Variants in ERC2 observed in about 807,000 individuals in gnomAD.
The protein encoded by ERC2 is ERC protein 2.
ERC2 carries 42 observed loss-of-function variants against 114.8 expected under a neutral mutation model. The ratio of observed to expected loss-of-function variants is 0.37; its 90% CI spans 0.29 to 0.47. ERC2 has a LOEUF of 0.47. Ranked by LOEUF, ERC2 falls within the 20% of genes least tolerant of loss-of-function variation. The pLI, the probability that ERC2 is intolerant of heterozygous loss-of-function variation, is 0.99. For missense variants in ERC2, 939 were observed against 1,150.7 expected (o/e 0.82, Z 2.66); for synonymous variants, 454 against 425.5 (o/e 1.07, Z -0.82).
At chr3:55,610,506 A>AACAC (rs1162337654) in intron 17 of ERC2, 35,921 of 137,016 alleles carry the variant, frequency 0.26, 5,100 homozygotes, top group East Asian at 0.43. Flanking sequence ...TCTACGGAAA[A>AACAC]ACACACACAC....
intron 2 of ERC2, among the ~76,000 whole-genome samples, chr3:56,363,493 G>A (rs1244275535): frequency 6.6e-6 from 1 of 152,114 alleles, no homozygotes; most frequent in Admixed American, 6.5e-5. Context: ...TTAGTGAAAA[G>A]GAGAATTTAT....
At chr3:56,263,638 C>G (rs1415488572) in intron 3 of ERC2, among the ~76,000 whole-genome samples, 1 of 152,072 alleles carries the variant, frequency 6.6e-6, no homozygotes, top group Non-Finnish European at 1.5e-5. Context: ...CTGACCAAAC[C>G]AATAACAAAT....
intron 3 of ERC2, among the ~76,000 whole-genome samples, chr3:56,238,352 G>T (rs535650259): frequency 6.6e-6 from 1 of 152,340 alleles, no homozygotes; most frequent in African/African-American, 2.4e-5. Flanking sequence ...TTGTTCAGAG[G>T]ATGTAATCTG....
intron 13 of ERC2, among the ~76,000 whole-genome samples, chr3:55,932,074 C>T (rs770310132): frequency 2.6e-5 from 4 of 152,144 alleles, no homozygotes; most frequent in Admixed American, 6.5e-5. Context: ...GTTCTCATTG[C>T]TGCAATAAAT....
At chr3:56,285,177 T>C (rs1445549705) in intron 3 of ERC2, among the ~76,000 whole-genome samples, 1 of 150,034 alleles carries the variant, frequency 6.7e-6, no homozygotes, top group Non-Finnish European at 1.5e-5. Context: ...AGAAGTCTCC[T>C]GATCTGGGCT....
chr3:56,029,562 T>C (rs912247881), intron 7 of ERC2, among the ~76,000 whole-genome samples: 1 of 152,136 alleles, frequency 6.6e-6, no homozygotes, highest in Non-Finnish European at 1.5e-5. Context: ...GGATACTTTG[T>C]GGTTTTTTAG....
chr3:56,454,444 C>A (rs1037872567), intron 1 of ERC2, among the ~76,000 whole-genome samples: 4 of 151,992 alleles, frequency 2.6e-5, no homozygotes, highest in East Asian at 1.9e-4. Flanking sequence ...GTTAACCACC[C>A]TTAAAAAAAA....
At chr3:56,141,516 C>T (rs1433596782) in intron 5 of ERC2, among the ~76,000 whole-genome samples, 3 of 152,092 alleles carry the variant, frequency 2.0e-5, no homozygotes, top group Admixed American at 6.5e-5. Flanking sequence ...TCATGGTGGC[C>T]CCTTTGTCTT....
intron 2 of ERC2, among the ~76,000 whole-genome samples, chr3:56,389,885 C>T (rs1358209764): frequency 3.3e-5 from 5 of 152,184 alleles, no homozygotes; most frequent in African/African-American, 1.2e-4. Flanking sequence ...TAGATGGAGT[C>T]CAAGAACAGG....
At chr3:56,229,892 G>A (rs34951454) in intron 3 of ERC2, among the ~76,000 whole-genome samples, 1 of 62,936 alleles carries the variant, frequency 1.6e-5, no homozygotes, top group Non-Finnish European at 2.9e-5. Flanking sequence ...TTTTTTTTGA[G>A]ATGGAGTCTC....
At chr3:56,188,976 G>A (rs1007341794) in intron 3 of ERC2, among the ~76,000 whole-genome samples, 3 of 152,076 alleles carry the variant, frequency 2.0e-5, no homozygotes, top group African/African-American at 4.8e-5. Flanking sequence ...CAAGCATTGC[G>A]CTAACAACTT....
rs2065704466 is a variant in ERC2, at chr3:55,925,670, A to G, written c.2403+24755T>C. Among the ~76,000 whole-genome samples the G allele has an allele frequency of 2.0e-5, 3 of 152,278 alleles. No homozygotes were observed. In the South Asian group the frequency reaches 6.2e-4, roughly 32 times the overall value. On this transcript the variant is annotated intron_variant, in intron 13 of 17. Transcript: ENST00000288221. ...GAACTACGCACCCAGCAAACAGGAA[A>G]TCTGGAAAAAGTTCCAAGAAGAAAA...
At chr3:55,600,466 A>G (rs2058348720) in intron 17 of ERC2, among the ~76,000 whole-genome samples, 1 of 152,224 alleles carries the variant, frequency 6.6e-6, no homozygotes, top group African/African-American at 2.4e-5. Flanking sequence ...CCTCTCTGTC[A>G]TCGTGCAGAA....
chr3:55,691,913 T>C (rs2062690989), intron 16 of ERC2, among the ~76,000 whole-genome samples: 1 of 152,176 alleles, frequency 6.6e-6, no homozygotes, highest in Non-Finnish European at 1.5e-5. Flanking sequence ...TGTGAAATTC[T>C]TCCATATGTG....
chr3:56,371,888 C>A (rs2059375502), intron 2 of ERC2, among the ~76,000 whole-genome samples: 1 of 152,224 alleles, frequency 6.6e-6, no homozygotes, highest in African/African-American at 2.4e-5. Context: ...GACTGACATA[C>A]AAATATTACC....
rs551682311 is a variant in ERC2, at chr3:55,514,073, T to C, written c.*40-2797A>G. On this transcript the variant is annotated intron_variant, in intron 17 of 17. Coordinates refer to ENST00000288221, the MANE Select transcript of ERC2 (RefSeq NM_015576.3). Reference sequence around the variant, plus strand: ...TATAAAGTTACCTTACAGATGTAGTTACTAATCAGTTGACTTCAAATTAGT... The same window carrying C: ...TATAAAGTTACCTTACAGATGTAGTCACTAATCAGTTGACTTCAAATTAGT... 5.9e-5 allele frequency among the ~76,000 whole-genome samples: 9 copies of C among 152,350 alleles called. No individual in the cohort carries two copies. In the South Asian group the frequency reaches 8.3e-4, roughly 14 times the overall value.
intron 2 of ERC2, among the ~76,000 whole-genome samples, chr3:56,375,491 T>C (rs559424227): frequency 1.3e-5 from 2 of 152,310 alleles, no homozygotes; most frequent in East Asian, 3.9e-4. Flanking sequence ...CGAATATCAC[T>C]TTGTGCCACA....
intron 15 of ERC2, among the ~76,000 whole-genome samples, chr3:55,718,587 G>A (rs1249206939): frequency 6.6e-6 from 1 of 152,204 alleles, no homozygotes; most frequent in East Asian, 1.9e-4. Flanking sequence ...CCTGGTAAAG[G>A]AATGTGGAAT....
intron 2 of ERC2, among the ~76,000 whole-genome samples, chr3:56,322,471 C>A (rs972639140): frequency 1.3e-5 from 2 of 152,176 alleles, no homozygotes; most frequent in Admixed American, 1.3e-4. Context: ...TCCAAGTCTA[C>A]GCCTCAAGAG....
Sources: gnomAD v4.1 joint callset for allele counts (sites outside exome capture counted in the v4.1 genomes callset) on GRCh38, gnomAD v4.1.1 for gene constraint, MANE v1.5 for transcripts, NCBI Gene and HGNC (gene_info 2026-07-23, HGNC 2026-07-21) for gene names.